TENM3: variants seen among roughly 807,000 people sequenced by gnomAD.
The protein encoded by TENM3 is teneurin-3.
In TENM3, 63 loss-of-function variants were observed where a neutral mutation model predicts 255.1. The observed-to-expected ratio is 0.25, with a 90% CI of 0.20 to 0.30. TENM3 has a LOEUF of 0.30. TENM3 is among the 10% of genes least tolerant of loss of function. The probability of loss-of-function intolerance (pLI) is 1.00; values close to 1 mark genes in which losing one functional copy is unlikely to be tolerated. For missense variants in TENM3, 2,929 were observed against 3,461.1 expected, an observed-to-expected ratio of 0.85 and a Z score of 3.86; for synonymous variants, 1,306 against 1,322.3, an observed-to-expected ratio of 0.99 and a Z score of 0.27.
At chr4:182,497,349 C>T (rs1735877029) in intron 3 of TENM3, among the ~76,000 whole-genome samples, 1 of 152,128 alleles carries the variant, frequency 6.6e-6, no homozygotes, top group African/African-American at 2.4e-5. Flanking sequence ...CGGCACCCGG[C>T]CTCACTTACA....
chr4:181,477,197 G>A, the TENM3 span, among the ~76,000 whole-genome samples: 1 of 152,030 alleles, frequency 6.6e-6, no homozygotes, highest in Non-Finnish European at 1.5e-5. Context: ...CTGTGGCTCA[G>A]CAAATCCCCG....
At chr4:182,265,110 A>G (rs1431659849) in intron 1 of TENM3, among the ~76,000 whole-genome samples, 1 of 152,164 alleles carries the variant, frequency 6.6e-6, no homozygotes, top group Non-Finnish European at 1.5e-5. Flanking sequence ...AATCCCAGGA[A>G]TTAAAGGCAG....
chr4:181,494,143 A>C, the TENM3 span, among the ~76,000 whole-genome samples: 3 of 152,204 alleles, frequency 2.0e-5, no homozygotes, highest in African/African-American at 7.2e-5. Context: ...TGAACTCAAG[A>C]TTTGAACCAA....
the TENM3 span, among the ~76,000 whole-genome samples, chr4:181,641,347 C>T: frequency 6.6e-5 from 10 of 151,362 alleles, no homozygotes; most frequent in East Asian, 9.9e-4. Context: ...TCCCCACCCC[C>T]GGCAGGGCCC....
At chr4:182,781,929 T>G (rs1241909155) in intron 24 of TENM3, among the ~76,000 whole-genome samples, 1 of 150,386 alleles carries the variant, frequency 6.6e-6, no homozygotes. Context: ...ATTGCATCTA[T>G]TAGATTCTTC....
the TENM3 span, among the ~76,000 whole-genome samples, chr4:181,771,641 C>G: frequency 6.6e-6 from 1 of 152,334 alleles, no homozygotes; most frequent in East Asian, 1.9e-4. Flanking sequence ...TCTCTGTTCC[C>G]AAGAGTTATT....
chr4:182,628,640 CT>C lies in TENM3; in HGVS notation c.750-7del. 6.6e-7 allele frequency: 1 copy of C among 1,518,472 alleles called. No homozygotes were observed. Among genetic ancestry groups the C allele is most frequent in the Non-Finnish European group, 9.0e-7 (1 of 1,111,802 alleles). 94.1% of individuals were successfully genotyped at this position (1,518,472 alleles called of 1,614,324 possible). A position where few individuals can be genotyped will look rare whatever the true frequency, so the allele number is the denominator to read the frequency against. On this transcript the variant is annotated splice_polypyrimidine_tract_variant and intron_variant, in intron 4 of 27. Coordinates refer to ENST00000511685, the MANE Select transcript of TENM3 (RefSeq NM_001080477.4). ...ATTTGTATCTTATAATGATATTCTCCTTTTCCACAGGCATTTCCTATTCAAA... is the reference window on the plus strand; with the variant it reads ...ATTTGTATCTTATAATGATATTCTCCTTTCCACAGGCATTTCCTATTCAAA...
At chr4:181,969,008 G>A in the TENM3 span, among the ~76,000 whole-genome samples, 71,015 of 136,098 alleles carry the variant, frequency 0.52, 17,554 homozygotes, top group African/African-American at 0.64. Flanking sequence ...ACATATATAT[G>A]TGTGTGTGTG....
the TENM3 span, among the ~76,000 whole-genome samples, chr4:181,920,078 G>A: frequency 6.6e-6 from 1 of 151,546 alleles, no homozygotes; most frequent in African/African-American, 2.4e-5. Flanking sequence ...CTTTTTTATG[G>A]CTGCATAGTA....
At chr4:181,940,426 T>C in the TENM3 span, among the ~76,000 whole-genome samples, 4 of 152,204 alleles carry the variant, frequency 2.6e-5, no homozygotes, top group African/African-American at 4.8e-5. Flanking sequence ...TTACTACGCA[T>C]TGAATCCTGC....
At chr4:182,701,382 G>C (rs1271727066) in intron 12 of TENM3, among the ~76,000 whole-genome samples, 1 of 151,466 alleles carries the variant, frequency 6.6e-6, no homozygotes, top group Non-Finnish European at 1.5e-5. Flanking sequence ...AACCACACCT[G>C]GCTAATTTTT....
chr4:181,991,411 G>A, the TENM3 span, among the ~76,000 whole-genome samples: 2 of 152,158 alleles, frequency 1.3e-5, no homozygotes, highest in African/African-American at 4.8e-5. Flanking sequence ...AATAAGTTAT[G>A]TAAAAGGTTT....
intron 3 of TENM3, among the ~76,000 whole-genome samples, chr4:182,562,781 T>G (rs1371889662): frequency 1.3e-5 from 2 of 152,134 alleles, no homozygotes; most frequent in Non-Finnish European, 2.9e-5. Flanking sequence ...GCGCAACTTC[T>G]CAACACAACA....
intron 1 of TENM3, among the ~76,000 whole-genome samples, chr4:182,227,429 T>A (rs1432740183): frequency 6.6e-6 from 1 of 150,752 alleles, no homozygotes; most frequent in Non-Finnish European, 1.5e-5. Flanking sequence ...TATTGGCCAG[T>A]GTCCACTGTC....
At chr4:182,605,004 A>G (rs893059348) in intron 4 of TENM3, among the ~76,000 whole-genome samples, 49 of 152,200 alleles carry the variant, frequency 3.2e-4, no homozygotes, top group African/African-American at 1.2e-3. Context: ...AAGATATGAT[A>G]CTTTTTTCTC....
the TENM3 span, among the ~76,000 whole-genome samples, chr4:181,581,490 A>G: frequency 6.0e-3 from 916 of 152,244 alleles, 11 homozygotes; most frequent in African/African-American, 0.02. Flanking sequence ...TTGTTCTTCA[A>G]ATATCCCGGT....
chr4:182,115,333 C>G, the TENM3 span, among the ~76,000 whole-genome samples: 2 of 152,154 alleles, frequency 1.3e-5, no homozygotes, highest in Non-Finnish European at 2.9e-5. Context: ...AATTATAAGA[C>G]TTGGAGTCCC....
At chr4:182,535,927 T>A (rs1740259587) in intron 3 of TENM3, among the ~76,000 whole-genome samples, 1 of 152,134 alleles carries the variant, frequency 6.6e-6, no homozygotes, top group African/African-American at 2.4e-5. Context: ...ATAACCTCTA[T>A]ACAAGTATTT....
intron 4 of TENM3, among the ~76,000 whole-genome samples, chr4:182,606,523 C>CAAA (rs746315807): frequency 1.7e-4 from 9 of 51,706 alleles, no homozygotes; most frequent in Admixed American, 2.3e-4. Flanking sequence ...GACTCTGTCT[C>CAAA]AAAAAAAAAA....
Sources: gnomAD v4.1 joint callset for allele counts (sites outside exome capture counted in the v4.1 genomes callset) on GRCh38, gnomAD v4.1.1 for gene constraint, MANE v1.5 for transcripts, NCBI Gene and HGNC (gene_info 2026-07-23, HGNC 2026-07-21) for gene names.